The following JADE2 variants were observed in gnomAD, a reference collection of about 807,000 sequenced individuals.
JADE2 encodes the protein E3 ubiquitin-protein ligase Jade-2.
Under a neutral mutation model 85.7 loss-of-function variants are expected in JADE2, and 13 were observed. The observed-to-expected ratio is 0.15, with a 90% CI of 0.10 to 0.24. The LOEUF is 0.24. Ranked by LOEUF, JADE2 falls within the 10% of genes least tolerant of loss-of-function variation. JADE2 has a pLI of 1.00. For synonymous variants in JADE2, 440 were observed against 456.1 expected, an observed-to-expected ratio of 0.96 and a Z score of 0.45; for missense variants, 846 against 1,115.9, an observed-to-expected ratio of 0.76 and a Z score of 3.45.
At chr5:134,564,642 G>T (rs1163669492) in intron 8 of JADE2, 32 bp downstream of exon 8, 13 of 1,421,166 alleles carry the variant, frequency 9.1e-6, no homozygotes, top group South Asian at 1.3e-5. Flanking sequence ...CTGCTGCCAG[G>T]AGCTGGCTGA....
intron 8 of JADE2, among the ~76,000 whole-genome samples, chr5:134,565,216 T>G (rs1028520352): frequency 2.6e-5 from 4 of 152,204 alleles, no homozygotes; most frequent in Admixed American, 2.6e-4. Flanking sequence ...GGAGTCATCC[T>G]TTGTCCCCCT....
At position 134,562,430 on chromosome 5, in the gene JADE2, G is replaced by A; in HGVS notation, c.852+63G>A. On this transcript the variant is annotated intron_variant, in intron 7 of 11. Transcript: ENST00000681547. This position sits in a 1 kb window ranked among gnomAD's most constrained non-coding sequence, Gnocchi z 4.6. ...CCCGTGGGGAAGTGGGTCTGCATGG[G>A]ACTCAGGTAGCAGAGCACTGGGAAA... The A allele has an allele frequency of 6.7e-7, 1 of 1,481,520 alleles. No homozygotes were observed. The highest frequency in any genetic ancestry group is 9.2e-7 in the Non-Finnish European group (1 of 1,082,410). 91.8% of individuals were successfully genotyped at this position (1,481,520 alleles called of 1,614,324 possible).
Position 134,535,926 on chromosome 5 carries a change from C to T in JADE2, c.58+11C>T. On this transcript the variant is annotated intron_variant, in intron 2 of 11. Coordinates refer to ENST00000681547, the MANE Select transcript of JADE2 (RefSeq NM_001388185.1). ...CTGACACCACTGACAGTAAGGCCTT[C>T]CAGTTTGGGCTCCTACAGGGAAAGC... 1 of 1,612,186 alleles carries T rather than the reference C, an allele frequency of 6.2e-7. No individual in the cohort carries two copies. Among genetic ancestry groups the T allele is most frequent in the South Asian group, 1.1e-5 (1 of 91,030 alleles).
chr5:134,525,704 A>C lies in JADE2; in HGVS notation c.-308A>C. The C allele has an allele frequency of 8.1e-7, 1 of 1,235,168 alleles. No homozygotes were observed. The highest frequency in any genetic ancestry group is 1.0e-6 in the Non-Finnish European group (1 of 966,398). 76.5% of individuals were successfully genotyped at this position (1,235,168 alleles called of 1,614,324 possible). A position where few individuals can be genotyped will look rare whatever the true frequency, so the allele number is the denominator to read the frequency against. ...CACAGGGGGTTGGTGAATGGTGCCG[A>C]CCGCGGCCATCGCAGTTGGAGGCTA... On this transcript the variant is annotated 5_prime_UTR_variant, in exon 1 of 12. Transcript: ENST00000681547.
intron 4 of JADE2, among the ~76,000 whole-genome samples, chr5:134,554,488 T>C (rs556114878): frequency 2.0e-5 from 3 of 152,304 alleles, no homozygotes; most frequent in South Asian, 2.1e-4. Flanking sequence ...AAACATCTCC[T>C]GGCCTGGGTA....
intron 4 of JADE2, among the ~76,000 whole-genome samples, chr5:134,553,519 A>G (rs996837655): frequency 2.1e-4 from 32 of 152,014 alleles, no homozygotes; most frequent in African/African-American, 7.2e-4. Flanking sequence ...ACGCCTGGCT[A>G]ATTTTTGTAT....
chr5:134,557,536 C>T (rs1373751219), intron 4 of JADE2, among the ~76,000 whole-genome samples: 2 of 116,510 alleles, frequency 1.7e-5, no homozygotes, highest in Non-Finnish European at 3.5e-5. Flanking sequence ...CCCCCTCCCC[C>T]GAACCCACCA....
rs1025013147 is a variant in JADE2 at position 134,578,165 on chromosome 5, G to T, written c.1682-329G>T. 3.3e-4 allele frequency among the ~76,000 whole-genome samples: 50 copies of T among 152,302 alleles called. No homozygotes were observed. The highest frequency in any genetic ancestry group is 1.2e-3 in the African/African-American group (49 of 41,552). On this transcript the variant is annotated intron_variant, in intron 11 of 11. Transcript: ENST00000681547. The surrounding 1 kb of genome is among the most constrained non-coding windows in gnomAD (Gnocchi z 4.4). ...CTGGTAAAATCCAAAAAACCTGCTA[G>T]ACAAACTAAAAGAGCTATAACACTC...
In JADE2 at chr5:134,578,905, A is replaced by T. The variant is rs1284833997; in HGVS notation, c.2093A>T (p.His698Leu). ...AAGCCACCACGTCGGACATCTTCTC[A>T]CTTGCCGTCCAGCCCTGCAGCCGGG... ...TRKPPRRTSS[H>L]LPSSPAAGDC... is the part of the protein sequence containing the mutation. The change falls in exon 12 of 12, where the codon CAC becomes CTC. Residue 698 changes from histidine (H) to leucine (L), a missense_variant. Around this residue, in one of 9 missense-constraint regions of JADE2, gnomAD observed 300 missense variants for 300.7 expected, o/e 1.00. Coordinates refer to ENST00000681547, the MANE Select transcript of JADE2 (RefSeq NM_001388185.1). The surrounding 1 kb of genome is among the most constrained non-coding windows in gnomAD (Gnocchi z 4.4). 1.2e-6 allele frequency: 2 copies of T among 1,613,538 alleles called. No homozygotes were observed. The highest frequency in any genetic ancestry group is 2.7e-5 in the African/African-American group (2 of 74,820).
At position 134,578,499 on chromosome 5, in the gene JADE2, C is replaced by T. The variant is rs190789514; in HGVS notation, c.1687C>T (p.Leu563=). 1.3e-5 allele frequency: 20 copies of T among 1,577,344 alleles called. No homozygotes were observed. In the East Asian group the frequency reaches 2.3e-4, roughly 18 times the overall value. The change falls in exon 12 of 12, where the codon CTG becomes TTG. Residue 563 remains leucine (L), a synonymous_variant. Coordinates refer to ENST00000681547, the MANE Select transcript of JADE2 (RefSeq NM_001388185.1). The surrounding 1 kb of genome is among the most constrained non-coding windows in gnomAD (Gnocchi z 4.4). ...PDSVLGQLAG[L]STSFPIDGTF... ...TGCCTCCTCTCTCCCCTCAGCAGGCCTGTCCACCTCATTCCCCATCGATGG... is the reference window on the plus strand; with the variant it reads ...TGCCTCCTCTCTCCCCTCAGCAGGCTTGTCCACCTCATTCCCCATCGATGG...
chr5:134,526,851 G>T, intron 1 of JADE2: 11 of 785,590 alleles, frequency 1.4e-5, no homozygotes, highest in Non-Finnish European at 1.7e-5. Flanking sequence ...AGTCCAGCTG[G>T]GGAGAGGCGC....
At chr5:134,576,185 C>T (rs1488525004) in intron 10 of JADE2, among the ~76,000 whole-genome samples, 2 of 152,022 alleles carry the variant, frequency 1.3e-5, no homozygotes, top group African/African-American at 4.8e-5. Flanking sequence ...GGCAACAGAG[C>T]AAGACTCTCT....
intron 9 of JADE2, among the ~76,000 whole-genome samples, chr5:134,573,097 T>C (rs116227165): frequency 0.016 from 2,502 of 152,336 alleles, 71 homozygotes; most frequent in African/African-American, 0.055. Flanking sequence ...AATGGCGTTC[T>C]CTCTGGCTGC....
chr5:134,525,232 G>A (rs190359335), upstream of JADE2, among the ~76,000 whole-genome samples: 1 of 151,906 alleles, frequency 6.6e-6, no homozygotes, highest in Non-Finnish European at 1.5e-5. Context: ...CGGGGTGTGA[G>A]CAGAAAGTGT....
chr5:134,537,143 G>A (rs1761644554), intron 2 of JADE2, among the ~76,000 whole-genome samples: 1 of 152,156 alleles, frequency 6.6e-6, no homozygotes, highest in African/African-American at 2.4e-5. Flanking sequence ...TAACTTTATT[G>A]CAGGCAGAGG....
chr5:134,576,163 C>T (rs144560695), intron 10 of JADE2, among the ~76,000 whole-genome samples: 19 of 152,214 alleles, frequency 1.2e-4, no homozygotes, highest in African/African-American at 4.1e-4. Context: ...TGTACTACTG[C>T]GCTCCATCAT....
At chr5:134,540,564 C>G (rs978577783) in intron 3 of JADE2, among the ~76,000 whole-genome samples, 1 of 152,060 alleles carries the variant, frequency 6.6e-6, no homozygotes, top group Non-Finnish European at 1.5e-5. Flanking sequence ...ACAGGGACTC[C>G]CCAGTTGCTG....
chr5:134,560,112 A>G (rs1347386170), intron 5 of JADE2, 122 bp downstream of exon 5: 5 of 1,109,902 alleles, frequency 4.5e-6, no homozygotes, highest in Non-Finnish European at 6.5e-6. Context: ...GGGAGTCTCC[A>G]TACTGCATTA....
intron 4 of JADE2, among the ~76,000 whole-genome samples, chr5:134,556,674 GCA>G (rs200331658): frequency 4.9e-4 from 27 of 55,328 alleles, no homozygotes; most frequent in Admixed American, 1.3e-3. Flanking sequence ...CATACCACAT[GCA>G]CACACACACA....
Sources: gnomAD v4.1 joint callset for allele counts (sites outside exome capture counted in the v4.1 genomes callset) on GRCh38, gnomAD v4.1.1 for gene constraint, gnomAD v4.1.1 regional missense constraint, Gnocchi (gnomAD v3.1) non-coding constraint, MANE v1.5 for transcripts, NCBI Gene and HGNC (gene_info 2026-07-23, HGNC 2026-07-21) for gene names.